Variants in PRH1 observed in about 807,000 individuals in gnomAD.
The protein encoded by PRH1 is proline rich protein HaeIII subfamily 1.
Under a neutral mutation model 7.9 loss-of-function variants are expected in PRH1, and 7 were observed. That is an observed-to-expected ratio of 0.89 (90% confidence interval 0.50 to 1.67). The LOEUF (loss-of-function observed/expected upper bound fraction) is 1.67, where lower values mean the gene tolerates loss of function less well. Ranked by LOEUF, PRH1 falls within the 40% of genes most tolerant of loss-of-function variation. PRH1 has a pLI of 0.00. For synonymous variants in PRH1, 45 were observed against 80.8 expected, an observed-to-expected ratio of 0.56 and a Z score of 2.38; for missense variants, 109 against 223.6, an observed-to-expected ratio of 0.49 and a Z score of 3.27.
chr12:11,069,429 C>CCTGTTGAAAA (rs1213570876), intron 1 of PRH1, among the ~76,000 whole-genome samples: 3 of 96,800 alleles, frequency 3.1e-5, no homozygotes, highest in Admixed American at 1.1e-4. Context: ...GAATTGAGAT[C>CCTGTTGAAAA]TTGGGCAATC....
At chr12:11,046,195 T>C (rs181544924) in intron 1 of PRH1, among the ~76,000 whole-genome samples, 6 of 152,296 alleles carry the variant, frequency 3.9e-5, no homozygotes, top group African/African-American at 1.2e-4. Flanking sequence ...AATATGACTG[T>C]TATGAAAGGT....
intron 2 of PRH1, among the ~76,000 whole-genome samples, chr12:10,914,552 C>T (rs985490727): frequency 1.3e-5 from 2 of 152,142 alleles, no homozygotes; most frequent in African/African-American, 4.8e-5. Flanking sequence ...TGTAGGGTTG[C>T]AGTGGCCTTT....
At chr12:11,093,444 TC>T in intron 1 of PRH1, among the ~76,000 whole-genome samples, 1 of 115,824 alleles carries the variant, frequency 8.6e-6, no homozygotes, top group South Asian at 2.3e-4. Context: ...TCTTGTAATT[TC>T]CAAAATAAAA....
chr12:11,057,156 A>T (rs573798948), intron 1 of PRH1, among the ~76,000 whole-genome samples: 3 of 152,226 alleles, frequency 2.0e-5, no homozygotes, highest in East Asian at 3.9e-4. Context: ...ATAGGCATGC[A>T]GCACCACGCC....
chr12:11,132,125 T>G (rs1358531705), intron 1 of PRH1, among the ~76,000 whole-genome samples: 1 of 152,250 alleles, frequency 6.6e-6, no homozygotes, highest in Non-Finnish European at 1.5e-5. Context: ...TCATGTAGAA[T>G]TTAGCTGTAA....
chr12:11,138,993 T>C lies in PRH1; in HGVS notation n.40-17813A>G, dbSNP rs530638381. Among the ~76,000 whole-genome samples the C allele has an allele frequency of 1.2e-4, 18 of 152,304 alleles. No homozygotes were observed. The East Asian group carries it at 2.7e-3, about 23-fold the overall frequency. ...TGGCAGAGGTTGCATTGAGCCGCGA[T>C]TGCACTTGTGCACTCCAGCCTGGAC... On this transcript the variant is annotated intron_variant and non_coding_transcript_variant, in intron 1 of 1. Transcript: ENST00000541175.
intron 2 of PRH1, among the ~76,000 whole-genome samples, chr12:10,933,175 A>G (rs1266921551): frequency 6.6e-6 from 1 of 152,130 alleles, no homozygotes; most frequent in Non-Finnish European, 1.5e-5. Context: ...TTTTTCCTAC[A>G]TTCTGAAAAG....
rs143479963 is a variant in PRH1 at position 11,095,853 on chromosome 12, T to C, written n.124-48665A>G. Among the ~76,000 whole-genome samples the C allele has an allele frequency of 6.2e-3, 720 of 116,052 alleles. 171 individuals are homozygous for C. Among genetic ancestry groups the C allele is most frequent in the African/African-American group, 0.02 (696 of 34,708 alleles). 76.1% of individuals were successfully genotyped at this position (116,052 alleles called of 152,430 possible). Reference sequence around the variant, plus strand: ...AATTTTTCTTTTATCTGAAAAGATATATTTTAAATTTCTGTTTATCAAGAT... The same window carrying C: ...AATTTTTCTTTTATCTGAAAAGATACATTTTAAATTTCTGTTTATCAAGAT... On this transcript the variant is annotated intron_variant and non_coding_transcript_variant, in intron 1 of 4. Coordinates refer to the PRH1 transcript ENST00000541977.
intron 1 of PRH1, among the ~76,000 whole-genome samples, chr12:10,996,187 C>T (rs1940222076): frequency 6.6e-6 from 1 of 151,410 alleles, no homozygotes; most frequent in African/African-American, 2.4e-5. Flanking sequence ...AAATTAGCCA[C>T]GTGTGGTAGC....
intron 1 of PRH1, among the ~76,000 whole-genome samples, chr12:11,109,162 G>A (rs979420380): frequency 6.6e-6 from 1 of 152,204 alleles, no homozygotes; most frequent in Non-Finnish European, 1.5e-5. Flanking sequence ...AAAGGCAGCA[G>A]CCCCAGTCAG....
chr12:11,026,778 G>A (rs1941937983), intron 1 of PRH1, among the ~76,000 whole-genome samples: 1 of 152,178 alleles, frequency 6.6e-6, no homozygotes, highest in African/African-American at 2.4e-5. Flanking sequence ...TCACTAAGCA[G>A]AGCAGAGCTT....
intron 1 of PRH1, among the ~76,000 whole-genome samples, chr12:11,072,650 G>A (rs1261946428): frequency 6.6e-6 from 1 of 152,202 alleles, no homozygotes; most frequent in Non-Finnish European, 1.5e-5. Flanking sequence ...ACCAAAATCA[G>A]ATACATTATA....
downstream of PRH1, among the ~76,000 whole-genome samples, chr12:11,119,529 T>C (rs1172441007): frequency 6.6e-6 from 1 of 152,184 alleles, no homozygotes; most frequent in Non-Finnish European, 1.5e-5. Flanking sequence ...ACATCCCGTG[T>C]ACTCAATACA....
At chr12:11,141,737 A>G (rs1688048949) in intron 1 of PRH1, among the ~76,000 whole-genome samples, 1 of 152,174 alleles carries the variant, frequency 6.6e-6, no homozygotes, top group South Asian at 2.1e-4. Flanking sequence ...TTAATTTTTC[A>G]TATGATCATG....
At chr12:11,168,910 C>T (rs866131199) in intron 1 of PRH1, among the ~76,000 whole-genome samples, 15 of 152,238 alleles carry the variant, frequency 9.9e-5, no homozygotes, top group Middle Eastern at 3.4e-3. Flanking sequence ...GTGAACCACC[C>T]CCACCTCCAA....
chr12:11,086,096 A>G (rs1205604461), intron 1 of PRH1, among the ~76,000 whole-genome samples: 1 of 50,846 alleles, frequency 2.0e-5, no homozygotes, highest in African/African-American at 6.9e-5. Context: ...TCATTAACAT[A>G]AACACATTCC....
intron 1 of PRH1, among the ~76,000 whole-genome samples, chr12:11,138,799 G>A (rs555252901): frequency 8.5e-6 from 1 of 117,538 alleles, no homozygotes; most frequent in Non-Finnish European, 2.0e-5. Context: ...ACCATTTTAG[G>A]AGGCTGAGGC....
chr12:11,065,341 T>C (rs1229414730), intron 1 of PRH1, among the ~76,000 whole-genome samples: 1 of 152,160 alleles, frequency 6.6e-6, no homozygotes, highest in Non-Finnish European at 1.5e-5. Flanking sequence ...TCTAAAAATA[T>C]ATGAACTGAT....
intron 2 of PRH1, among the ~76,000 whole-genome samples, chr12:10,948,294 T>A (rs1950518239): frequency 6.6e-6 from 1 of 152,244 alleles, no homozygotes; most frequent in Non-Finnish European, 1.5e-5. Flanking sequence ...CTTTTTATAA[T>A]CCCATACTTC....
Sources: gnomAD v4.1 joint callset for allele counts (sites outside exome capture counted in the v4.1 genomes callset) on GRCh38, gnomAD v4.1.1 for gene constraint, MANE v1.5 for transcripts, NCBI Gene and HGNC (gene_info 2026-07-23, HGNC 2026-07-21) for gene names.